The following BNC2 variants were observed in gnomAD, a reference collection of about 807,000 sequenced individuals.
The protein encoded by BNC2 is basonuclin zinc finger protein 2.
Under a neutral mutation model 76.3 loss-of-function variants are expected in BNC2, and 20 were observed. The ratio of observed to expected loss-of-function variants is 0.26; its 90% CI spans 0.18 to 0.38. The LOEUF (loss-of-function observed/expected upper bound fraction) is 0.38. Among genes scored for constraint, BNC2 ranks in the 10% least tolerant of loss-of-function variants. The pLI is 1.00. For synonymous variants in BNC2, 582 were observed against 514.8 expected (o/e 1.13, Z -1.77); for missense variants, 1,382 against 1,399.8 (o/e 0.99, Z 0.20).
intron 1 of BNC2, among the ~76,000 whole-genome samples, chr9:16,865,587 T>C (rs1819524507): frequency 6.6e-6 from 1 of 152,250 alleles, no homozygotes; most frequent in Non-Finnish European, 1.5e-5. Flanking sequence ...CAAGGGAAGG[T>C]TGTATTCCTT....
At chr9:16,803,670 G>C (rs914302204) in intron 1 of BNC2, among the ~76,000 whole-genome samples, 1 of 152,208 alleles carries the variant, frequency 6.6e-6, no homozygotes, top group Non-Finnish European at 1.5e-5. Flanking sequence ...GCCGGTGACA[G>C]CTTTCCAGAT....
At chr9:16,579,155 C>T (rs1265312320) in intron 4 of BNC2, among the ~76,000 whole-genome samples, 1 of 152,106 alleles carries the variant, frequency 6.6e-6, no homozygotes, top group Admixed American at 6.5e-5. Flanking sequence ...AGATTCCTTC[C>T]TCCCTTAACT....
intron 5 of BNC2, among the ~76,000 whole-genome samples, chr9:16,468,187 T>A (rs1046351893): frequency 6.6e-5 from 10 of 151,678 alleles, no homozygotes; most frequent in African/African-American, 2.2e-4. Context: ...ATTATAGGCA[T>A]GAGCCACCAT....
At chr9:16,598,677 G>A (rs942087848) in intron 3 of BNC2, among the ~76,000 whole-genome samples, 65 of 152,104 alleles carry the variant, frequency 4.3e-4, no homozygotes, top group Non-Finnish European at 1.2e-4. Flanking sequence ...TGTCATTATA[G>A]AAAAGCATAT....
chr9:16,838,847 T>A (rs1053585141), intron 1 of BNC2, among the ~76,000 whole-genome samples: 1 of 152,144 alleles, frequency 6.6e-6, no homozygotes, highest in African/African-American at 2.4e-5. Flanking sequence ...CCAACATGAG[T>A]AAAACATGAC....
intron 3 of BNC2, among the ~76,000 whole-genome samples, chr9:16,715,537 CCA>C (rs1823974785): frequency 6.6e-6 from 1 of 152,284 alleles, no homozygotes; most frequent in East Asian, 1.9e-4. Flanking sequence ...TTTGTTTAGA[CCA>C]CACAGTTTTT....
intron 3 of BNC2, among the ~76,000 whole-genome samples, chr9:16,684,084 G>A (rs1351906490): frequency 1.3e-5 from 2 of 151,308 alleles, no homozygotes; most frequent in Non-Finnish European, 2.9e-5. Flanking sequence ...TACTCAATAG[G>A]TTTTTTTTTC....
chr9:16,691,399 G>C (rs1357537612), intron 3 of BNC2, among the ~76,000 whole-genome samples: 1 of 151,968 alleles, frequency 6.6e-6, no homozygotes, highest in Non-Finnish European at 1.5e-5. Context: ...CCTACTATTG[G>C]ACAGATTTCA....
At chr9:16,846,717 C>T (rs964835109) in intron 1 of BNC2, among the ~76,000 whole-genome samples, 3 of 152,238 alleles carry the variant, frequency 2.0e-5, no homozygotes, top group Non-Finnish European at 4.4e-5. Flanking sequence ...TTCTACAATA[C>T]ACTTTTACAA....
intron 3 of BNC2, among the ~76,000 whole-genome samples, chr9:16,617,215 GAACAAACA>G (rs1000071002): frequency 6.6e-6 from 1 of 151,966 alleles, no homozygotes; most frequent in Non-Finnish European, 1.5e-5. Flanking sequence ...ACTTCTTATA[GAACAAACA>G]AACAAACAAA....
At chr9:16,463,344 T>G (rs1324187370) in intron 5 of BNC2, among the ~76,000 whole-genome samples, 7 of 125,088 alleles carry the variant, frequency 5.6e-5, no homozygotes, top group Non-Finnish European at 1.1e-4. Context: ...TCGCCCAGGC[T>G]GGAGTGCAGT....
At chr9:16,660,176 C>T (rs889342566) in intron 3 of BNC2, among the ~76,000 whole-genome samples, 1 of 152,124 alleles carries the variant, frequency 6.6e-6, no homozygotes, top group Non-Finnish European at 1.5e-5. Context: ...TCTTTGGGGC[C>T]GGGCGCGGTG....
intron 3 of BNC2, among the ~76,000 whole-genome samples, chr9:16,604,277 A>C (rs544090657): frequency 1.3e-5 from 2 of 152,334 alleles, no homozygotes; most frequent in South Asian, 4.1e-4. Context: ...ATAAAAGAGA[A>C]GCAATGCCCC....
At chr9:16,520,343 G>A (rs1013217924) in intron 5 of BNC2, among the ~76,000 whole-genome samples, 18 of 152,302 alleles carry the variant, frequency 1.2e-4, no homozygotes, top group Middle Eastern at 3.4e-3. Context: ...AGAGAAGCAA[G>A]AGAGAAAACC....
At chr9:16,830,152 T>C (rs1818548726) in intron 1 of BNC2, among the ~76,000 whole-genome samples, 1 of 152,280 alleles carries the variant, frequency 6.6e-6, no homozygotes, top group Non-Finnish European at 1.5e-5. Flanking sequence ...CACACAATTA[T>C]ATTTCAATAA....
At chr9:16,708,546 G>C (rs1408288285) in intron 3 of BNC2, among the ~76,000 whole-genome samples, 2 of 152,046 alleles carry the variant, frequency 1.3e-5, no homozygotes, top group Non-Finnish European at 2.9e-5. Flanking sequence ...AGATGAGAAA[G>C]GACAAGATGT....
At chr9:16,563,280 G>A (rs889122726) in intron 4 of BNC2, among the ~76,000 whole-genome samples, 2 of 151,656 alleles carry the variant, frequency 1.3e-5, no homozygotes, top group Non-Finnish European at 2.9e-5. Flanking sequence ...ATCTTTTCTG[G>A]GTATACAGGG....
At chr9:16,840,267 CA>C in intron 1 of BNC2, among the ~76,000 whole-genome samples, 1 of 152,306 alleles carries the variant, frequency 6.6e-6, no homozygotes, top group East Asian at 1.9e-4. Context: ...GTGTCCTGAT[CA>C]TTTAACTTCT....
chr9:16,734,228 T>G (rs926337608), intron 2 of BNC2, among the ~76,000 whole-genome samples: 1 of 152,234 alleles, frequency 6.6e-6, no homozygotes, highest in Non-Finnish European at 1.5e-5. Flanking sequence ...ACCTAGTGCC[T>G]ATCTGTGAAT....
Sources: gnomAD v4.1 joint callset for allele counts (sites outside exome capture counted in the v4.1 genomes callset) on GRCh38, gnomAD v4.1.1 for gene constraint, MANE v1.5 for transcripts, NCBI Gene and HGNC (gene_info 2026-07-23, HGNC 2026-07-21) for gene names.